SCGN: variants seen among roughly 807,000 people sequenced by gnomAD.
The protein encoded by SCGN is secretagogin, EF-hand calcium binding protein, also known as secretagogin.
A neutral mutation model predicts 39.7 loss-of-function variants in SCGN; 30 were observed. That is an observed-to-expected ratio of 0.76 (90% CI 0.57 to 1.03). The LOEUF (loss-of-function observed/expected upper bound fraction) is 1.03, where lower values mean the gene tolerates loss of function less well. Ranked by LOEUF, SCGN falls within the 50% of genes least tolerant of loss-of-function variation. The pLI, the probability that SCGN is intolerant of heterozygous loss-of-function variation, is 0.00. For synonymous variants in SCGN, 106 were observed against 114.1 expected (o/e 0.93, Z 0.45); for missense variants, 353 against 349.4 (o/e 1.01, Z -0.08).
intron 2 of SCGN, among the ~76,000 whole-genome samples, chr6:25,660,123 G>A (rs577841356): frequency 3.9e-4 from 59 of 152,284 alleles, no homozygotes; most frequent in South Asian, 3.7e-3. Context: ...TCCCAGGGCC[G>A]TTGTGAAGAT....
rs780434236 is a variant in SCGN, at chr6:25,701,339, C to G, written c.*4C>G. On this transcript the variant is annotated 3_prime_UTR_variant, in exon 11 of 11. Transcript: ENST00000377961. ...TGGGCTGAAAATCAACCCATAATCC[C>G]AGACTGCTTTGCCTTTTGCTCTTAC... 2 of 1,610,410 alleles carry G rather than the reference C, an allele frequency of 1.2e-6. No homozygotes were observed. The highest frequency in any genetic ancestry group is 1.7e-6 in the Non-Finnish European group (2 of 1,178,516).
chr6:25,661,531 G>A (rs751145197), intron 2 of SCGN, 21 bp from the exon 3 acceptor site: 2 of 1,571,124 alleles, frequency 1.3e-6, no homozygotes. Flanking sequence ...CTTTAATGTG[G>A]CTCTGTTTGG....
chr6:25,659,620 T>C (rs1329777383), intron 2 of SCGN, among the ~76,000 whole-genome samples: 2 of 152,226 alleles, frequency 1.3e-5, no homozygotes, highest in African/African-American at 4.8e-5. Context: ...TGATTTATAG[T>C]TGCAGCAATG....
chr6:25,689,177 T>C lies in SCGN; in HGVS notation c.533T>C (p.Leu178Pro). ...RLDLNDLARI[L>P]ALQENFLLQF... ...TTTTTTTTTTTTCTATTTAGGATTC[T>C]GGCTCTTCAGGAAAACTTCCTTCTC... is the stretch of plus-strand genomic sequence containing the variant. The change falls in exon 8 of 11, where the codon CTG (leucine) becomes CCG (proline). Residue 178 changes from leucine to proline, a missense_variant. By Grantham distance (98) the Leu-to-Pro change is moderately conservative. Coordinates refer to ENST00000377961, the MANE Select transcript of SCGN (RefSeq NM_006998.4). 6.3e-7 allele frequency: 1 copy of C among 1,590,108 alleles called. No homozygotes were observed. Among genetic ancestry groups the C allele is most frequent in the African/African-American group, 1.3e-5 (1 of 74,196 alleles).
At chr6:25,690,531 T>C (rs1759761993) in intron 9 of SCGN, among the ~76,000 whole-genome samples, 1 of 152,186 alleles carries the variant, frequency 6.6e-6, no homozygotes, top group Non-Finnish European at 1.5e-5. Context: ...TTGTATTTTA[T>C]AGATGTTCAT....
intron 10 of SCGN, 53 bp from the exon 11 acceptor site, chr6:25,701,154 G>A (rs1047753870): frequency 1.4e-4 from 215 of 1,564,444 alleles, no homozygotes; most frequent in Non-Finnish European, 1.8e-4. Context: ...GGGTGTTAAA[G>A]GGTGAGAACA....
At chr6:25,663,122 C>T (rs551405721) in intron 3 of SCGN, among the ~76,000 whole-genome samples, 3 of 152,280 alleles carry the variant, frequency 2.0e-5, no homozygotes, top group South Asian at 2.1e-4. Context: ...GTTCCCAAGG[C>T]GCCTTAAAAC....
intron 3 of SCGN, among the ~76,000 whole-genome samples, chr6:25,664,417 G>A (rs1021402024): frequency 1.3e-5 from 2 of 152,120 alleles, no homozygotes; most frequent in Non-Finnish European, 2.9e-5. Context: ...CAAAACTTTG[G>A]CAAGTTCCTT....
At chr6:25,687,684 T>C (rs1759722973) in intron 7 of SCGN, among the ~76,000 whole-genome samples, 3 of 152,154 alleles carry the variant, frequency 2.0e-5, no homozygotes, top group Admixed American at 2.0e-4. Flanking sequence ...GTATTTAATA[T>C]GTGTATATTT....
chr6:25,659,265 C>T (rs1330291562), intron 2 of SCGN, among the ~76,000 whole-genome samples: 2 of 152,138 alleles, frequency 1.3e-5, no homozygotes, highest in Non-Finnish European at 2.9e-5. Flanking sequence ...CTGAAAAATC[C>T]CCAAAGCAAG....
chr6:25,664,162 T>C (rs1760389466), intron 3 of SCGN, among the ~76,000 whole-genome samples: 1 of 152,216 alleles, frequency 6.6e-6, no homozygotes, highest in Non-Finnish European at 1.5e-5. Context: ...CTGGTGCTCA[T>C]GTAAAAAAGC....
chr6:25,677,344 C>T (rs922329953), intron 6 of SCGN, among the ~76,000 whole-genome samples: 6 of 152,112 alleles, frequency 3.9e-5, no homozygotes, highest in South Asian at 4.1e-4. Flanking sequence ...CAATTGTATG[C>T]CCTAAAATCA....
chr6:25,701,445 G>C lies in SCGN; in HGVS notation c.*110G>C. On this transcript the variant is annotated 3_prime_UTR_variant, in exon 11 of 11. Transcript: ENST00000377961. ...CAGTGGGCAAACTCACAAATGGTGT[G>C]CTATTCTTGGGCAAGAACAGGGACG... 7.0e-7 allele frequency: 1 copy of C among 1,422,326 alleles called. No homozygotes were observed. The highest frequency in any genetic ancestry group is 9.6e-7 in the Non-Finnish European group (1 of 1,046,642). The allele number at this position is 1,422,326 out of a possible 1,614,324, so 88.1% of individuals were successfully genotyped here.
chr6:25,664,933 G>C lies in SCGN; in HGVS notation c.247-10G>C, dbSNP rs1165145244. ...AGTGTCCCTGACTGTTATTCTTTCTGTTCCTTCAGCTTGCTGGTATGTTCT... is the reference window on the plus strand; with the variant it reads ...AGTGTCCCTGACTGTTATTCTTTCTCTTCCTTCAGCTTGCTGGTATGTTCT... On this transcript the variant is annotated splice_polypyrimidine_tract_variant and intron_variant, in intron 3 of 10. Coordinates refer to ENST00000377961, the MANE Select transcript of SCGN (RefSeq NM_006998.4). 1.9e-6 allele frequency: 3 copies of C among 1,610,040 alleles called. No homozygotes were observed. Among genetic ancestry groups the C allele is most frequent in the Non-Finnish European group, 2.5e-6 (3 of 1,176,796 alleles).
intron 7 of SCGN, among the ~76,000 whole-genome samples, chr6:25,688,673 G>T (rs1301852461): frequency 6.6e-6 from 1 of 151,990 alleles, no homozygotes; most frequent in Non-Finnish European, 1.5e-5. Context: ...CTGGTGGCGG[G>T]CGCCTGTAGT....
chr6:25,658,300 A>G (rs557044634), intron 2 of SCGN, among the ~76,000 whole-genome samples: 1 of 151,552 alleles, frequency 6.6e-6, no homozygotes, highest in East Asian at 1.9e-4. Flanking sequence ...GAGCCTCCCA[A>G]AGTGCTGGGA....
intron 7 of SCGN, among the ~76,000 whole-genome samples, chr6:25,682,846 A>G (rs1361064967): frequency 6.6e-6 from 1 of 152,204 alleles, no homozygotes; most frequent in African/African-American, 2.4e-5. Context: ...CAAAGTCACA[A>G]GAAGATGTTG....
Position 25,689,485 on chromosome 6 carries a change from G to A in SCGN, c.586G>A (p.Glu196Lys). 3.1e-6 allele frequency: 5 copies of A among 1,613,506 alleles called. No homozygotes were observed. Among genetic ancestry groups the A allele is most frequent in the Non-Finnish European group, 4.2e-6 (5 of 1,179,444 alleles). Residue 196 changes from glutamate to lysine, a missense_variant, in exon 9 of 11, where the codon GAA becomes AAA. By Grantham distance (56) the Glu-to-Lys change is moderately conservative. Transcript: ENST00000377961. ...TTTCCTTACACAGGCTTGTTCTACT[G>A]AAGAAAGGAAAAGGGACTTTGAGAA... ...LQFKMDACST[E>K]ERKRDFEKIF...
Position 25,701,389 on chromosome 6 carries a change from G to A in SCGN, c.*54G>A. ...CTATGTTTCTGTGATCTTGCTGGTA[G>A]AATTGTATCTGTGCATTGATGTTGG... On this transcript the variant is annotated 3_prime_UTR_variant, in exon 11 of 11. Coordinates refer to ENST00000377961, the MANE Select transcript of SCGN (RefSeq NM_006998.4). 1 of 1,584,726 alleles carries A rather than the reference G, an allele frequency of 6.3e-7. No individual in the cohort carries two copies. The highest frequency in any genetic ancestry group is 1.7e-5 in the Admixed American group (1 of 57,224).
Sources: allele counts gnomAD v4.1 joint callset (sites outside exome capture counted in the v4.1 genomes callset), GRCh38; gene constraint gnomAD v4.1.1; transcripts MANE v1.5; gene names NCBI Gene and HGNC (gene_info 2026-07-23, HGNC 2026-07-21).